CRACD: variants seen among roughly 807,000 people sequenced by gnomAD.
CRACD encodes capping protein inhibiting regulator of actin dynamics, also known as capping protein-inhibiting regulator of actin dynamics.
Under a neutral mutation model 106.8 loss-of-function variants are expected in CRACD, and 56 were observed. The ratio of observed to expected loss-of-function variants is 0.52; its 90% confidence interval spans 0.42 to 0.66. The LOEUF is 0.66. CRACD is among the 30% of genes least tolerant of loss of function. The pLI, the probability that CRACD is intolerant of heterozygous loss-of-function variation, is 0.00. For missense variants in CRACD, 1,730 were observed against 1,623.2 expected (o/e 1.07, Z -1.13); for synonymous variants, 754 against 670.8 (o/e 1.12, Z -1.92).
chr4:56,174,303 CAT>C, intron 1 of CRACD, among the ~76,000 whole-genome samples: 1 of 152,260 alleles, frequency 6.6e-6, no homozygotes, highest in South Asian at 2.1e-4. Context: ...GTGTTGGGAG[CAT>C]TTCAAATCCT....
chr4:56,299,628 C>T (rs939740365), intron 4 of CRACD, among the ~76,000 whole-genome samples: 7 of 151,514 alleles, frequency 4.6e-5, no homozygotes, highest in Non-Finnish European at 8.8e-5. Flanking sequence ...TGAGATTGCA[C>T]CACTGCATGC....
At chr4:56,089,590 C>T (rs530480172) in intron 1 of CRACD, among the ~76,000 whole-genome samples, 7 of 151,064 alleles carry the variant, frequency 4.6e-5, no homozygotes, top group African/African-American at 9.7e-5. Flanking sequence ...CTCAGCTCAC[C>T]GCAACCTCCG....
At chr4:56,186,403 T>C (rs979693168) in intron 2 of CRACD, among the ~76,000 whole-genome samples, 2 of 152,200 alleles carry the variant, frequency 1.3e-5, no homozygotes, top group Non-Finnish European at 2.9e-5. Flanking sequence ...GTGATTGTTG[T>C]ATACTGTACT....
chr4:56,207,513 A>G (rs1738182277), intron 2 of CRACD, among the ~76,000 whole-genome samples: 1 of 152,062 alleles, frequency 6.6e-6, no homozygotes, highest in African/African-American at 2.4e-5. Context: ...GTACCATTAA[A>G]GTTTCTTGGC....
At chr4:56,306,321 C>T (rs1744690889) in intron 4 of CRACD, among the ~76,000 whole-genome samples, 1 of 151,902 alleles carries the variant, frequency 6.6e-6, no homozygotes, top group Non-Finnish European at 1.5e-5. Context: ...TGTTGAAACC[C>T]CATCTCTACA....
rs35204688 is a variant in CRACD at position 56,073,074 on chromosome 4, C to A, written c.-336+23775C>A. Among the ~76,000 whole-genome samples, 5 of 152,026 alleles carry A rather than the reference C, an allele frequency of 3.3e-5. No homozygotes were observed. In the South Asian group the frequency reaches 8.3e-4, roughly 25 times the overall value. ...AGTGCTGTAATAAACATACGTTTGC[C>A]TGTGTCTTTATAGTAGAATGATTTA... On this transcript the variant is annotated intron_variant, in intron 1 of 10. Coordinates refer to ENST00000682029, the MANE Select transcript of CRACD (RefSeq NM_001393381.1).
In CRACD at chr4:56,220,699, C is replaced by T. The variant is rs564396591; in HGVS notation, c.-189+41269C>T. ...GGTTGGGTTGACCATAAGGCATGATCTTTCATTTATTCACTACTGACTAGT... is the reference window on the plus strand; with the variant it reads ...GGTTGGGTTGACCATAAGGCATGATTTTTCATTTATTCACTACTGACTAGT... On this transcript the variant is annotated intron_variant, in intron 2 of 10. Coordinates refer to ENST00000682029, the MANE Select transcript of CRACD (RefSeq NM_001393381.1). Among the ~76,000 whole-genome samples the T allele has an allele frequency of 9.9e-4, 151 of 151,792 alleles. 1 individual carries two copies. Among genetic ancestry groups the T allele is most frequent in the African/African-American group, 3.4e-3 (140 of 41,364 alleles).
chr4:56,257,177 G>T (rs1294328238), intron 2 of CRACD, among the ~76,000 whole-genome samples: 6 of 150,750 alleles, frequency 4.0e-5, no homozygotes, highest in African/African-American at 1.5e-4. Flanking sequence ...CACCTCCTGG[G>T]TTAAAGCAAT....
At chr4:56,313,145 T>C in intron 6 of CRACD, 52 bp from the exon 7 acceptor site, 1 of 1,524,438 alleles carries the variant, frequency 6.6e-7, no homozygotes, top group Non-Finnish European at 9.0e-7. Flanking sequence ...TGCGATTCCC[T>C]GCAGGTTGTC....
intron 2 of CRACD, among the ~76,000 whole-genome samples, chr4:56,226,200 C>T (rs1434352947): frequency 6.6e-6 from 1 of 152,162 alleles, no homozygotes; most frequent in Non-Finnish European, 1.5e-5. Context: ...GAATGTAGGA[C>T]TCTGACTATC....
chr4:56,253,461 ATGGCAGAGG>A (rs1741164335), intron 2 of CRACD, among the ~76,000 whole-genome samples: 1 of 152,158 alleles, frequency 6.6e-6, no homozygotes, highest in African/African-American at 2.4e-5. Flanking sequence ...AAGCTAGAAA[ATGGCAGAGG>A]TGGCCAAGCC....
chr4:56,204,730 T>C (rs1276340260), intron 2 of CRACD, among the ~76,000 whole-genome samples: 1 of 152,240 alleles, frequency 6.6e-6, no homozygotes, highest in Non-Finnish European at 1.5e-5. Context: ...TGGATCATTA[T>C]AATCTTTCTA....
intron 8 of CRACD, among the ~76,000 whole-genome samples, chr4:56,321,774 T>C (rs13147900): frequency 0.49 from 74,098 of 152,082 alleles, 18,894 homozygotes; most frequent in Admixed American, 0.62. Flanking sequence ...ATTTTCTCTG[T>C]TAGATCATAA....
intron 2 of CRACD, among the ~76,000 whole-genome samples, chr4:56,247,365 G>A (rs1740742910): frequency 6.6e-6 from 1 of 152,178 alleles, no homozygotes; most frequent in South Asian, 2.1e-4. Context: ...AGGAGTAATT[G>A]ATGATATATT....
chr4:56,267,679 C>A (rs764000060), intron 2 of CRACD, among the ~76,000 whole-genome samples: 1 of 152,228 alleles, frequency 6.6e-6, no homozygotes, highest in East Asian at 1.9e-4. Context: ...TTTTACTGTT[C>A]TTTCACCGTC....
chr4:56,116,984 A>G (rs1031116338), intron 1 of CRACD, among the ~76,000 whole-genome samples: 1 of 149,168 alleles, frequency 6.7e-6, no homozygotes, highest in Non-Finnish European at 1.5e-5. Flanking sequence ...CTGGGATTAC[A>G]GACATGAGCC....
intron 2 of CRACD, among the ~76,000 whole-genome samples, chr4:56,194,617 A>G (rs1349665115): frequency 1.3e-5 from 2 of 152,172 alleles, no homozygotes; most frequent in Admixed American, 6.6e-5. Flanking sequence ...TGTTTTTATG[A>G]AGGAGACCCA....
chr4:56,210,037 TA>T (rs1738322093), intron 2 of CRACD, among the ~76,000 whole-genome samples: 1 of 152,154 alleles, frequency 6.6e-6, no homozygotes, highest in South Asian at 2.1e-4. Context: ...GAAGGGGTCA[TA>T]ATGGGCTTGA....
intron 3 of CRACD, among the ~76,000 whole-genome samples, chr4:56,280,253 G>C (rs573307635): frequency 1.7e-4 from 25 of 151,222 alleles, no homozygotes; most frequent in African/African-American, 4.4e-4. Context: ...TGTAACAAAC[G>C]TGCACGTTGT....
Sources: gnomAD v4.1 joint callset for allele counts (sites outside exome capture counted in the v4.1 genomes callset) on GRCh38, gnomAD v4.1.1 for gene constraint, MANE v1.5 for transcripts, NCBI Gene and HGNC (gene_info 2026-07-23, HGNC 2026-07-21) for gene names.